The following RIMS2 variants were observed in gnomAD, a reference collection of about 807,000 sequenced individuals.
RIMS2 encodes regulating synaptic membrane exocytosis 2, also known as regulating synaptic membrane exocytosis protein 2.
In RIMS2, 59 loss-of-function variants were observed where a neutral mutation model predicts 174.4. The ratio of observed to expected loss-of-function variants is 0.34; its 90% CI spans 0.27 to 0.42. The LOEUF (loss-of-function observed/expected upper bound fraction) is 0.42. Among genes scored for constraint, RIMS2 ranks in the 10% least tolerant of loss-of-function variants. The pLI, the probability that RIMS2 is intolerant of heterozygous loss-of-function variation, is 1.00. For synonymous variants in RIMS2, 606 were observed against 572.5 expected, an observed-to-expected ratio of 1.06 and a Z score of -0.84; for missense variants, 1,620 against 1,666.3, an observed-to-expected ratio of 0.97 and a Z score of 0.48.
In RIMS2 at chr8:103,911,389, C is replaced by G. The variant is rs1304454851; in HGVS notation, c.1693-664C>G. 2.0e-5 allele frequency among the ~76,000 whole-genome samples: 3 copies of G among 151,944 alleles called. No individual in the cohort carries two copies. The East Asian group carries it at 5.8e-4, about 29-fold the overall frequency. ...AGTAAAGGTAATTTACTAAATAGAT[C>G]AAAGACCTGAAAGAATCATGAAAGA... On this transcript the variant is annotated intron_variant, in intron 5 of 23. Coordinates refer to ENST00000504942, the Ensembl canonical transcript of RIMS2.
At chr8:103,825,374 A>G (rs1412109064) in intron 3 of RIMS2, among the ~76,000 whole-genome samples, 2 of 151,630 alleles carry the variant, frequency 1.3e-5, no homozygotes, top group Non-Finnish European at 2.9e-5. Context: ...ACCTCCCCCA[A>G]GCTCAAGTGA....
chr8:104,228,752 A>G (rs1326273099), intron 19 of RIMS2, among the ~76,000 whole-genome samples: 3 of 152,214 alleles, frequency 2.0e-5, no homozygotes, highest in African/African-American at 7.2e-5. Flanking sequence ...ACATGGATAG[A>G]CAGTTACTAT....
chr8:104,227,208 G>A (rs949222747), intron 19 of RIMS2, among the ~76,000 whole-genome samples: 1 of 108,362 alleles, frequency 9.2e-6, no homozygotes. Flanking sequence ...TATACTTGGA[G>A]CTCTTTTTTT....
At chr8:103,566,851 C>G (rs578131249) in intron 1 of RIMS2, among the ~76,000 whole-genome samples, 2 of 152,270 alleles carry the variant, frequency 1.3e-5, no homozygotes, top group South Asian at 4.1e-4. Context: ...ACATACTGTA[C>G]AATTCAGCCT....
chr8:103,956,410 C>A (rs1241867225), intron 14 of RIMS2, among the ~76,000 whole-genome samples: 2 of 152,022 alleles, frequency 1.3e-5, no homozygotes, highest in African/African-American at 4.8e-5. Flanking sequence ...GATATATAGA[C>A]CAATGGGACA....
At chr8:103,723,169 C>A (rs542433311) in intron 2 of RIMS2, among the ~76,000 whole-genome samples, 1 of 152,242 alleles carries the variant, frequency 6.6e-6, no homozygotes, top group Non-Finnish European at 1.5e-5. Context: ...AAAGGTAAAC[C>A]TTACCAAGGA....
chr8:103,740,436 G>A (rs1425652030), intron 2 of RIMS2, among the ~76,000 whole-genome samples: 1 of 152,128 alleles, frequency 6.6e-6, no homozygotes, highest in Non-Finnish European at 1.5e-5. Context: ...GTAGAGGATG[G>A]CAATTTATGA....
chr8:103,615,215 G>C (rs766252707), intron 1 of RIMS2, among the ~76,000 whole-genome samples: 17 of 152,016 alleles, frequency 1.1e-4, no homozygotes, highest in Non-Finnish European at 2.1e-4. Flanking sequence ...AAAAATAGAA[G>C]TCAAGACTAT....
At chr8:104,005,172 C>A (rs970336950) in intron 17 of RIMS2, among the ~76,000 whole-genome samples, 1 of 152,164 alleles carries the variant, frequency 6.6e-6, no homozygotes, top group Non-Finnish European at 1.5e-5. Flanking sequence ...CTACCATAGT[C>A]AATCCCTAAA....
At chr8:104,076,491 A>C (rs1417982711) in intron 19 of RIMS2, among the ~76,000 whole-genome samples, 1 of 152,190 alleles carries the variant, frequency 6.6e-6, no homozygotes, top group Non-Finnish European at 1.5e-5. Flanking sequence ...TTGGAAGTAT[A>C]ATTTCTTACA....
intron 1 of RIMS2, among the ~76,000 whole-genome samples, chr8:103,611,022 G>A (rs993584088): frequency 6.6e-6 from 1 of 152,016 alleles, no homozygotes; most frequent in Non-Finnish European, 1.5e-5. Flanking sequence ...GCCTGTTCAG[G>A]GATTCAATTT....
intron 1 of RIMS2, among the ~76,000 whole-genome samples, chr8:103,567,587 T>C (rs1365510983): frequency 2.0e-5 from 3 of 152,248 alleles, no homozygotes; most frequent in Non-Finnish European, 4.4e-5. Flanking sequence ...GTGATTTGTT[T>C]CCACTTTTTT....
At chr8:103,729,326 T>A (rs1433804439) in intron 2 of RIMS2, among the ~76,000 whole-genome samples, 3 of 152,068 alleles carry the variant, frequency 2.0e-5, no homozygotes, top group Non-Finnish European at 4.4e-5. Context: ...TCTATGAATT[T>A]ATCTATTTTT....
rs201432263 is a variant in RIMS2, at chr8:104,100,949, G to T, written c.3334+86334G>T. Among the ~76,000 whole-genome samples, 160 of 54,514 alleles carry T rather than the reference G, an allele frequency of 2.9e-3. 1 individual carries two copies. The highest frequency in any genetic ancestry group is 0.022 in the African/African-American group (143 of 6,478). 35.8% of individuals were successfully genotyped at this position (54,514 alleles called of 152,430 possible). A position where few individuals can be genotyped will look rare whatever the true frequency, so the allele number is the denominator to read the frequency against. ...TATGTGATATATTATATATTATATA[G>T]TATATATGATATATTATATAGTATA... On this transcript the variant is annotated intron_variant, in intron 19 of 23. Coordinates refer to ENST00000504942, the Ensembl canonical transcript of RIMS2.
chr8:104,030,026 T>A (rs771830311), intron 19 of RIMS2, among the ~76,000 whole-genome samples: 3 of 152,204 alleles, frequency 2.0e-5, no homozygotes, highest in Non-Finnish European at 4.4e-5. Flanking sequence ...CTATATTTGA[T>A]GTTACAGTAT....
At chr8:104,105,632 A>G (rs1267610399) in intron 19 of RIMS2, among the ~76,000 whole-genome samples, 4 of 152,132 alleles carry the variant, frequency 2.6e-5, no homozygotes, top group African/African-American at 4.8e-5. Flanking sequence ...TAATGGTGCT[A>G]TCATAGCTCA....
At chr8:104,136,955 A>G (rs2133303802) in intron 19 of RIMS2, among the ~76,000 whole-genome samples, 1 of 152,316 alleles carries the variant, frequency 6.6e-6, no homozygotes, top group African/African-American at 2.4e-5. Flanking sequence ...AAAGTTAAAA[A>G]AAATTCAATT....
chr8:103,999,880 G>C (rs1490948369), intron 17 of RIMS2, among the ~76,000 whole-genome samples: 1 of 151,718 alleles, frequency 6.6e-6, no homozygotes, highest in Non-Finnish European at 1.5e-5. Context: ...AGACATTTAT[G>C]AATTGTCTTT....
At chr8:104,121,166 A>G (rs975321754) in intron 19 of RIMS2, among the ~76,000 whole-genome samples, 21 of 152,330 alleles carry the variant, frequency 1.4e-4, no homozygotes, top group African/African-American at 4.8e-4. Context: ...TTAAATAATT[A>G]TAATACAGTT....
Sources: allele counts gnomAD v4.1 joint callset (sites outside exome capture counted in the v4.1 genomes callset), GRCh38; gene constraint gnomAD v4.1.1; transcripts MANE v1.5; gene names NCBI Gene and HGNC (gene_info 2026-07-23, HGNC 2026-07-21).